CREB3L3: variants seen among roughly 807,000 people sequenced by gnomAD.
CREB3L3 encodes cyclic AMP-responsive element-binding protein 3-like protein 3.
A neutral mutation model predicts 44.6 loss-of-function variants in CREB3L3; 40 were observed. The ratio of observed to expected loss-of-function variants is 0.90; its 90% confidence interval spans 0.70 to 1.17. The LOEUF is 1.17. Among genes scored for constraint, CREB3L3 ranks in the 50% most tolerant of loss-of-function variants. CREB3L3 has a pLI of 0.00. For synonymous variants in CREB3L3, 273 were observed against 256.3 expected, an observed-to-expected ratio of 1.06 and a Z score of -0.62; for missense variants, 578 against 595.8, an observed-to-expected ratio of 0.97 and a Z score of 0.31.
chr19:4,163,807 C>CTTT (rs201891215), intron 4 of CREB3L3, among the ~76,000 whole-genome samples: 3 of 134,218 alleles, frequency 2.2e-5, no homozygotes, highest in Non-Finnish European at 3.2e-5. Flanking sequence ...GCCACCTTTT[C>CTTT]TTTTTTTTTT....
chr19:4,155,094 A>G lies in CREB3L3; in HGVS notation c.156+67A>G, dbSNP rs145685492. ...AGGCGGGCCAACTGAGGCCCCACGA[A>G]GGTGCTAGACCCGCCAGAGCCCAGC... On this transcript the variant is annotated intron_variant, in intron 2 of 9. Transcript: ENST00000078445. 3,263 of 1,590,258 alleles carry G rather than the reference A, an allele frequency of 2.1e-3. 7 individuals carry two copies. The highest frequency in any genetic ancestry group is 4.1e-3 in the Middle Eastern group (21 of 5,092).
At chr19:4,169,218 G>A (rs892470611) in intron 6 of CREB3L3, among the ~76,000 whole-genome samples, 5 of 151,888 alleles carry the variant, frequency 3.3e-5, no homozygotes, top group African/African-American at 7.2e-5. Context: ...TCGGCCGGGC[G>A]CCGTGGCTCA....
At chr19:4,170,059 G>T (rs1237899883) in intron 6 of CREB3L3, 81 bp from the exon 7 acceptor site, 1 of 1,352,922 alleles carries the variant, frequency 7.4e-7, no homozygotes, top group African/African-American at 1.4e-5. Context: ...GGCTTGTAAC[G>T]TGAGGCCTCT....
chr19:4,171,615 C>T lies in CREB3L3; in HGVS notation c.1073-41C>T, dbSNP rs1389546585. The T allele has an allele frequency of 1.2e-6, 2 of 1,608,520 alleles. No homozygotes were observed. Among genetic ancestry groups the T allele is most frequent in the East Asian group, 2.2e-5 (1 of 44,848 alleles). On this transcript the variant is annotated intron_variant, in intron 9 of 9. Coordinates refer to ENST00000078445, the MANE Select transcript of CREB3L3 (RefSeq NM_032607.3). This position sits in a 1 kb window ranked among gnomAD's most constrained non-coding sequence, Gnocchi z 4.9. ...CCAGGGAAGGGAGCATAGGACCCCA[C>T]CTCCACCTTGTCCCCTGTGATGCCC...
At chr19:4,165,689 C>A (rs541971785) in intron 5 of CREB3L3, among the ~76,000 whole-genome samples, 1 of 151,706 alleles carries the variant, frequency 6.6e-6, no homozygotes, top group South Asian at 2.1e-4. Context: ...GGTGAAACCC[C>A]GTCTCTACTA....
chr19:4,169,440 A>G (rs1966994266), intron 6 of CREB3L3, among the ~76,000 whole-genome samples: 1 of 152,072 alleles, frequency 6.6e-6, no homozygotes, highest in South Asian at 2.1e-4. Context: ...AGATTGTGCC[A>G]CTGCATTCCA....
chr19:4,154,843 G>A (rs747838288), intron 1 of CREB3L3, 56 bp from the exon 2 acceptor site: 59 of 1,611,930 alleles, frequency 3.7e-5, no homozygotes, highest in Non-Finnish European at 5.0e-5. Context: ...GTGCACATGG[G>A]AGGTGGGGAG....
At chr19:4,166,186 A>G (rs1966901243) in intron 5 of CREB3L3, among the ~76,000 whole-genome samples, 2 of 150,128 alleles carry the variant, frequency 1.3e-5, no homozygotes, top group Admixed American at 1.3e-4. Flanking sequence ...CCTCTGGAGT[A>G]CAAGTGATTC....
At chr19:4,154,845 G>A in intron 1 of CREB3L3, 54 bp from the exon 2 acceptor site, 1 of 1,612,096 alleles carries the variant, frequency 6.2e-7, no homozygotes, top group South Asian at 1.1e-5. Flanking sequence ...GCACATGGGA[G>A]GTGGGGAGGA....
chr19:4,159,429 G>T (rs2041630118), intron 3 of CREB3L3, among the ~76,000 whole-genome samples: 1 of 110,576 alleles, frequency 9.0e-6, no homozygotes, highest in Non-Finnish European at 2.1e-5. Context: ...GGGAATACAG[G>T]CGTGAGCCAC....
chr19:4,170,955 T>A (rs576260499), intron 7 of CREB3L3, 136 bp from the exon 8 acceptor site: 62 of 439,292 alleles, frequency 1.4e-4, no homozygotes, highest in Non-Finnish European at 2.0e-4. Flanking sequence ...ATAAATAAAA[T>A]AAATAATAAA....
rs144487760 is a variant in CREB3L3 at position 4,168,374 on chromosome 19, A to T, written c.738A>T (p.Lys246Asn). The change falls in exon 6 of 10, where the codon AAA (lysine) becomes AAT (asparagine). Residue 246 changes from lysine to asparagine, a missense_variant. By Grantham distance (94) the Lys-to-Asn change is moderately conservative. Coordinates refer to ENST00000078445, the MANE Select transcript of CREB3L3 (RefSeq NM_032607.3). ...AGTACGAGGAGCGAGTGCTGAAAAA[A>T]ATCCGCCGGAAAATCCGGAACAAGC... ...LTKYEERVLKKIRRKIRNKQS... is the reference protein window; with the variant it reads ...LTKYEERVLKNIRRKIRNKQS... The T allele has an allele frequency of 2.8e-4, 449 of 1,611,062 alleles. No homozygotes were observed. Among genetic ancestry groups the T allele is most frequent in the Admixed American group, 1.0e-3 (62 of 59,852 alleles).
chr19:4,154,844 A>G, intron 1 of CREB3L3, 55 bp from the exon 2 acceptor site: 1 of 1,611,830 alleles, frequency 6.2e-7, no homozygotes, highest in East Asian at 2.2e-5. Flanking sequence ...TGCACATGGG[A>G]GGTGGGGAGG....
In CREB3L3 at chr19:4,172,692, C is replaced by T; in HGVS notation, c.*723C>T. 4.2e-6 allele frequency: 1 copy of T among 235,564 alleles called. No individual in the cohort carries two copies. Among genetic ancestry groups the T allele is most frequent in the Middle Eastern group, 1.7e-3 (1 of 588 alleles). 14.6% of individuals were successfully genotyped at this position (235,564 alleles called of 1,614,324 possible). ...ACAGACAGACACAGCCTGAAACAGA[C>T]CCAGACAGACAGACAGACACAGCCT... is the stretch of plus-strand genomic sequence containing the variant. On this transcript the variant is annotated 3_prime_UTR_variant, in exon 10 of 10. Coordinates refer to ENST00000078445, the MANE Select transcript of CREB3L3 (RefSeq NM_032607.3).
At chr19:4,161,304 G>A (rs1053986248) in intron 4 of CREB3L3, among the ~76,000 whole-genome samples, 1 of 151,852 alleles carries the variant, frequency 6.6e-6, no homozygotes, top group African/African-American at 2.4e-5. Context: ...CTGTAGATAT[G>A]GGTCTTGCTA....
At chr19:4,161,214 G>T (rs190053881) in intron 4 of CREB3L3, among the ~76,000 whole-genome samples, 1 of 151,922 alleles carries the variant, frequency 6.6e-6, no homozygotes, top group African/African-American at 2.4e-5. Flanking sequence ...TGCCCACCTC[G>T]GCCTCCCAAA....
At chr19:4,163,108 C>T (rs2041680419) in intron 4 of CREB3L3, among the ~76,000 whole-genome samples, 2 of 152,004 alleles carry the variant, frequency 1.3e-5, no homozygotes, top group South Asian at 2.1e-4. Context: ...GAGATCGAGA[C>T]CTTCCTGGCT....
chr19:4,164,568 G>A lies in CREB3L3; in HGVS notation c.642G>A (p.Val214=). ...RPGAGHCQEL[V]LTEDEKKLLA... ...GGGCTGGGCACTGTCAGGAGCTGGT[G>A]CTCACCGAGGATGAGAAGAAGCTGC... is the stretch of plus-strand genomic sequence containing the variant. Residue 214 remains valine (V), a synonymous_variant, in exon 5 of 10, where the codon GTG becomes GTA. Coordinates refer to ENST00000078445, the MANE Select transcript of CREB3L3 (RefSeq NM_032607.3). The A allele has an allele frequency of 6.2e-7, 1 of 1,614,080 alleles. No individual in the cohort carries two copies. Among genetic ancestry groups the A allele is most frequent in the East Asian group, 2.2e-5 (1 of 44,876 alleles).
At chr19:4,157,567 C>A (rs1355066499) in intron 3 of CREB3L3, among the ~76,000 whole-genome samples, 1 of 152,236 alleles carries the variant, frequency 6.6e-6, no homozygotes, top group East Asian at 1.9e-4. Context: ...TAGGATGCAA[C>A]CCCGGCAGGT....
Sources: gnomAD v4.1 joint callset for allele counts (sites outside exome capture counted in the v4.1 genomes callset) on GRCh38, gnomAD v4.1.1 for gene constraint, Gnocchi (gnomAD v3.1) non-coding constraint, MANE v1.5 for transcripts, NCBI Gene and HGNC (gene_info 2026-07-23, HGNC 2026-07-21) for gene names.